The following PUM1 variants were observed in gnomAD, a reference collection of about 807,000 sequenced individuals.
The protein encoded by PUM1 is pumilio homolog 1.
PUM1 carries 13 observed loss-of-function variants against 131.8 expected under a neutral mutation model. The ratio of observed to expected loss-of-function variants is 0.10; its 90% CI spans 0.06 to 0.16. The LOEUF (loss-of-function observed/expected upper bound fraction) is 0.16, where lower values mean the gene tolerates loss of function less well. Ranked by LOEUF, PUM1 falls within the 10% of genes least tolerant of loss-of-function variation. The pLI, the probability that PUM1 is intolerant of heterozygous loss-of-function variation, is 1.00. For synonymous variants in PUM1, 509 were observed against 556.5 expected (o/e 0.91, Z 1.20); for missense variants, 961 against 1,512.4 (o/e 0.64, Z 6.05).
At chr1:30,985,996 C>T (rs1308504296) in intron 7 of PUM1, among the ~76,000 whole-genome samples, 2 of 152,038 alleles carry the variant, frequency 1.3e-5, no homozygotes, top group Non-Finnish European at 2.9e-5. Context: ...ACTCTGTCCC[C>T]GGGGCTGGAG....
rs541683196 is a variant in PUM1, at chr1:31,026,557, T to C, written c.432+2239A>G. Among the ~76,000 whole-genome samples, 9 of 152,288 alleles carry C rather than the reference T, an allele frequency of 5.9e-5. No individual in the cohort carries two copies. The South Asian group carries it at 1.9e-3, about 32-fold the overall frequency. Reference sequence around the variant, plus strand: ...AAAGAACTCCTTGAATACAGAAACCTCACTCCACACTTAGGAAATGTTTTA... The same window carrying C: ...AAAGAACTCCTTGAATACAGAAACCCCACTCCACACTTAGGAAATGTTTTA... On this transcript the variant is annotated intron_variant, in intron 3 of 21. Coordinates refer to ENST00000426105, the MANE Select transcript of PUM1 (RefSeq NM_001020658.2).
At chr1:30,975,517 A>ATT (rs751510345) in intron 9 of PUM1, among the ~76,000 whole-genome samples, 6,036 of 84,024 alleles carry the variant, frequency 0.072, 383 homozygotes, top group East Asian at 0.17. Flanking sequence ...TACCTGACTA[A>ATT]TTTTTTTTTT....
chr1:30,952,901 G>A (rs1019362572), intron 15 of PUM1, among the ~76,000 whole-genome samples: 9 of 151,896 alleles, frequency 5.9e-5, no homozygotes, highest in Admixed American at 2.0e-4. Context: ...GCGTGAACCC[G>A]GGAGGCAGAG....
At position 31,033,898 on chromosome 1, in the gene PUM1, C is replaced by A. The variant is rs139613750; in HGVS notation, c.364-5034G>T. ...TGACCTCAAGCAATCCTCCCGCCTT[C>A]TAAAGTGCTGGGATTACAGGTATTA... On this transcript the variant is annotated intron_variant, in intron 2 of 21. Coordinates refer to ENST00000426105, the MANE Select transcript of PUM1 (RefSeq NM_001020658.2). Among the ~76,000 whole-genome samples, 121 of 152,218 alleles carry A rather than the reference C, an allele frequency of 7.9e-4. 1 individual carries two copies. The highest frequency in any genetic ancestry group is 2.7e-3 in the African/African-American group (113 of 41,534).
chr1:31,003,377 A>T (rs915390655), intron 5 of PUM1, among the ~76,000 whole-genome samples: 1 of 152,232 alleles, frequency 6.6e-6, no homozygotes, highest in Non-Finnish European at 1.5e-5. Flanking sequence ...CCACAAAAAG[A>T]GCTTTGGTCA....
At chr1:31,063,322 T>C (rs1389889348) in intron 1 of PUM1, among the ~76,000 whole-genome samples, 2 of 152,158 alleles carry the variant, frequency 1.3e-5, no homozygotes, top group East Asian at 3.8e-4. Context: ...GAGATAAATA[T>C]AAAAGTTTTT....
intron 2 of PUM1, among the ~76,000 whole-genome samples, chr1:31,049,258 A>G (rs1346050957): frequency 6.7e-6 from 1 of 149,534 alleles, no homozygotes; most frequent in Non-Finnish European, 1.5e-5. Context: ...GCTCATGCCT[A>G]TAATCCCAGC....
In PUM1 at chr1:30,933,046, G is replaced by A; in HGVS notation, c.*165C>T. On this transcript the variant is annotated 3_prime_UTR_variant, in exon 22 of 22. Transcript: ENST00000426105. ...GTGTAATAAAATTAAATTTACAAAGGCTTTTCCACTCGTGGATTTGATTCC... is the reference window on the plus strand; with the variant it reads ...GTGTAATAAAATTAAATTTACAAAGACTTTTCCACTCGTGGATTTGATTCC... The A allele has an allele frequency of 1.3e-6, 1 of 796,562 alleles. No homozygotes were observed. Among genetic ancestry groups the A allele is most frequent in the East Asian group, 2.9e-5 (1 of 34,640 alleles). The allele number at this position is 796,562 out of a possible 1,614,324, so 49.3% of individuals were successfully genotyped here. A position where few individuals can be genotyped will look rare whatever the true frequency, so the allele number is the denominator to read the frequency against.
chr1:30,935,826 A>G (rs1248638457), intron 21 of PUM1: 1 of 356,622 alleles, frequency 2.8e-6, no homozygotes, highest in Non-Finnish European at 5.5e-6. Context: ...TCAGAGCCCA[A>G]AAGCTGCAGG....
intron 2 of PUM1, among the ~76,000 whole-genome samples, chr1:31,044,095 A>T (rs1403115982): frequency 6.6e-6 from 1 of 152,180 alleles, no homozygotes; most frequent in African/African-American, 2.4e-5. Context: ...CTATACAATG[A>T]AATATTATAC....
At chr1:31,007,315 G>A (rs1466474258) in intron 3 of PUM1, among the ~76,000 whole-genome samples, 1 of 134,294 alleles carries the variant, frequency 7.4e-6, no homozygotes, top group Non-Finnish European at 1.5e-5. Context: ...GGGCAGGGGT[G>A]GGGACACTGA....
chr1:31,032,550 G>A (rs1479522891), intron 2 of PUM1, among the ~76,000 whole-genome samples: 2 of 142,580 alleles, frequency 1.4e-5, no homozygotes, highest in South Asian at 2.3e-4. Flanking sequence ...AGGCTGGAGT[G>A]CAGTGGCGTG....
At chr1:31,007,217 T>C in intron 3 of PUM1, 115 bp from the exon 4 acceptor site, 1 of 725,460 alleles carries the variant, frequency 1.4e-6, no homozygotes, top group East Asian at 2.5e-5. Context: ...CTGAAGGTCT[T>C]TAATTAAAGT....
chr1:30,977,015 C>T (rs936473242), intron 9 of PUM1, among the ~76,000 whole-genome samples: 1 of 152,194 alleles, frequency 6.6e-6, no homozygotes, highest in Non-Finnish European at 1.5e-5. Flanking sequence ...AACCAGAGTG[C>T]TTGAGACCAG....
At chr1:31,021,824 G>C (rs1413727550) in intron 3 of PUM1, among the ~76,000 whole-genome samples, 1 of 152,046 alleles carries the variant, frequency 6.6e-6, no homozygotes, top group East Asian at 1.9e-4. Context: ...GCTAAATCTT[G>C]AATAAGTAGA....
intron 2 of PUM1, among the ~76,000 whole-genome samples, chr1:31,034,364 T>C (rs74063620): frequency 0.017 from 2,590 of 152,180 alleles, 76 homozygotes; most frequent in African/African-American, 0.058. Context: ...TTAAAACAAA[T>C]GTACAGGCTC....
intron 5 of PUM1, among the ~76,000 whole-genome samples, chr1:31,003,350 TAA>T (rs1642283110): frequency 6.6e-6 from 1 of 152,122 alleles, no homozygotes; most frequent in South Asian, 2.1e-4. Flanking sequence ...ATGACAAAAA[TAA>T]AGTGATTCAG....
intron 2 of PUM1, among the ~76,000 whole-genome samples, chr1:31,052,132 A>C (rs891730507): frequency 3.3e-5 from 5 of 151,278 alleles, no homozygotes; most frequent in African/African-American, 1.2e-4. Context: ...CCTGCCTCAG[A>C]CTCCCGAGTA....
At chr1:30,997,609 C>G (rs985850296) in intron 5 of PUM1, among the ~76,000 whole-genome samples, 1 of 151,128 alleles carries the variant, frequency 6.6e-6, no homozygotes, top group African/African-American at 2.4e-5. Flanking sequence ...CATATCAATG[C>G]TCTGCATTAT....
Sources: gnomAD v4.1 joint callset for allele counts (sites outside exome capture counted in the v4.1 genomes callset) on GRCh38, gnomAD v4.1.1 for gene constraint, MANE v1.5 for transcripts, NCBI Gene and HGNC (gene_info 2026-07-23, HGNC 2026-07-21) for gene names.